The following CNGA1 variants were observed in gnomAD, a reference collection of about 807,000 sequenced individuals.
The protein encoded by CNGA1 is cyclic nucleotide gated channel subunit alpha 1, also known as cyclic nucleotide-gated channel alpha-1.
A neutral mutation model predicts 69.7 loss-of-function variants in CNGA1; 53 were observed. That is an observed-to-expected ratio of 0.76 (90% CI 0.61 to 0.96). CNGA1 has a LOEUF of 0.96. Among genes scored for constraint, CNGA1 ranks in the 40% least tolerant of loss-of-function variants. CNGA1 has a pLI of 0.00. For synonymous variants in CNGA1, 249 were observed against 283.5 expected (o/e 0.88, Z 1.22); for missense variants, 739 against 811.2 (o/e 0.91, Z 1.08).
intron 10 of CNGA1, among the ~76,000 whole-genome samples, chr4:47,939,873 T>C (rs1738963525): frequency 6.6e-6 from 1 of 152,212 alleles, no homozygotes; most frequent in Admixed American, 6.5e-5. Context: ...CGCCAGTGTC[T>C]TGTCAGAATC....
intron 3 of CNGA1, among the ~76,000 whole-genome samples, chr4:47,960,480 G>A (rs544766594): frequency 2.0e-5 from 3 of 152,208 alleles, no homozygotes; most frequent in Admixed American, 1.3e-4. Context: ...CTTGGGATAG[G>A]CAACACTTCT....
intron 2 of CNGA1, among the ~76,000 whole-genome samples, chr4:48,003,555 C>G (rs1431353150): frequency 6.6e-6 from 1 of 152,074 alleles, no homozygotes; most frequent in Non-Finnish European, 1.5e-5. Flanking sequence ...ATAGTTATAC[C>G]AGATATAGAT....
intron 6 of CNGA1, among the ~76,000 whole-genome samples, chr4:47,947,655 G>T (rs1223969227): frequency 6.6e-6 from 1 of 152,004 alleles, no homozygotes; most frequent in Non-Finnish European, 1.5e-5. Context: ...AGGCAACTGA[G>T]TGAGTACCTG....
chr4:47,980,366 A>T (rs1741632729), intron 3 of CNGA1, among the ~76,000 whole-genome samples: 1 of 152,188 alleles, frequency 6.6e-6, no homozygotes, highest in Non-Finnish European at 1.5e-5. Flanking sequence ...GAAATCACTG[A>T]TATTTTGAAA....
chr4:47,943,414 TA>T lies in CNGA1; in HGVS notation c.288-3del. ...TTTTTCTTTTTTTCTTCTGGTTCCC[TA>T]AAGAAAAAAATAATATATCTGTCAC... is the stretch of plus-strand genomic sequence containing the variant. On this transcript the variant is annotated splice_polypyrimidine_tract_variant and splice_region_variant and intron_variant, in intron 6 of 10. Transcript: ENST00000514170. 4 of 1,451,658 alleles carry T rather than the reference TA, an allele frequency of 2.8e-6. No homozygotes were observed. The South Asian group carries it at 4.0e-5, about 15-fold the overall frequency. 89.9% of individuals were successfully genotyped at this position (1,451,658 alleles called of 1,614,324 possible). A position where few individuals can be genotyped will look rare whatever the true frequency, so the allele number is the denominator to read the frequency against.
At chr4:48,005,228 C>G (rs191901185) in intron 2 of CNGA1, among the ~76,000 whole-genome samples, 17 of 152,136 alleles carry the variant, frequency 1.1e-4, no homozygotes, top group Admixed American at 1.1e-3. Context: ...AGCAATTATC[C>G]TGCCTCGGCC....
intron 3 of CNGA1, among the ~76,000 whole-genome samples, chr4:47,963,062 G>T (rs1240708077): frequency 6.6e-6 from 1 of 151,904 alleles, no homozygotes; most frequent in Non-Finnish European, 1.5e-5. Context: ...GGCTCAAGCA[G>T]TCCTCCCGCC....
Position 47,965,611 on chromosome 4 carries a change from G to C in CNGA1, c.-14-12908C>G, listed in dbSNP as rs376711585. ...CCGGCTAATTTTTGTATTTTTAGTAGAGATGAGGTTTCACCATGTTGGCCA... is the reference window on the plus strand; with the variant it reads ...CCGGCTAATTTTTGTATTTTTAGTACAGATGAGGTTTCACCATGTTGGCCA... On this transcript the variant is annotated intron_variant, in intron 3 of 10. Transcript: ENST00000514170. Among the ~76,000 whole-genome samples, 16 of 152,030 alleles carry C rather than the reference G, an allele frequency of 1.1e-4. No homozygotes were observed. In the East Asian group the frequency reaches 2.5e-3, roughly 24 times the overall value.
At chr4:48,015,899 C>T (rs1041817176) in intron 1 of CNGA1, among the ~76,000 whole-genome samples, 1 of 152,128 alleles carries the variant, frequency 6.6e-6, no homozygotes, top group Non-Finnish European at 1.5e-5. Flanking sequence ...GCCAGCCCTG[C>T]CCACTCCTTG....
chr4:47,937,945 A>G, intron 10 of CNGA1, 116 bp from the exon 11 acceptor site: 2 of 732,022 alleles, frequency 2.7e-6, no homozygotes, highest in South Asian at 1.6e-5. Context: ...TTTTCAATAA[A>G]TATGCCTTTA....
At chr4:47,979,489 C>G (rs1311255969) in intron 3 of CNGA1, among the ~76,000 whole-genome samples, 4 of 152,140 alleles carry the variant, frequency 2.6e-5, no homozygotes, top group Admixed American at 2.6e-4. Flanking sequence ...ATACTATCAC[C>G]TGAGGTAAAT....
rs370018275 is a variant in CNGA1 at position 47,937,390 on chromosome 4, A to T, written c.1092T>A (p.Pro364=). 18 of 1,614,034 alleles carry T rather than the reference A, an allele frequency of 1.1e-5. No homozygotes were observed. The highest frequency in any genetic ancestry group is 1.4e-5 in the Non-Finnish European group (16 of 1,180,034). ...AGACATACTCAGAATCCCTCACGGG[A>T]GGGGGTGTTTCACCAATGGTAGTCA... ...LTLTTIGETP[P]PVRDSEYVFV... Residue 364 remains proline, a synonymous_variant, in exon 11 of 11, where the codon CCT becomes CCA. Transcript: ENST00000514170.
Position 47,988,956 on chromosome 4 carries a change from A to G in CNGA1, c.-122-7456T>C, listed in dbSNP as rs562931016. On this transcript the variant is annotated intron_variant, in intron 2 of 10. Transcript: ENST00000514170. ...AACTTTAAATAGAATGTACAGGATTAAGAAAATGCTATTGTTCTTAGTTTT... is the reference window on the plus strand; with the variant it reads ...AACTTTAAATAGAATGTACAGGATTGAGAAAATGCTATTGTTCTTAGTTTT... 5.9e-5 allele frequency among the ~76,000 whole-genome samples: 9 copies of G among 151,442 alleles called. No homozygotes were observed. The East Asian group carries it at 1.8e-3, about 30-fold the overall frequency.
At position 47,983,640 on chromosome 4, in the gene CNGA1, G is replaced by T. The variant is rs1560305268; in HGVS notation, c.-122-2140C>A. On this transcript the variant is annotated intron_variant, in intron 2 of 10. Coordinates refer to ENST00000514170, the MANE Select transcript of CNGA1 (RefSeq NM_001379270.1). ...TAAAAGAAAAAGAAAAAGAAAAAGA[G>T]AATAAGCCCCTTGCCTTGAATACCA... Among the ~76,000 whole-genome samples the T allele has an allele frequency of 2.0e-5, 3 of 151,726 alleles. No homozygotes were observed. In the South Asian group the frequency reaches 6.2e-4, roughly 32 times the overall value.
At chr4:47,965,280 T>C (rs571687822) in intron 3 of CNGA1, among the ~76,000 whole-genome samples, 1 of 152,288 alleles carries the variant, frequency 6.6e-6, no homozygotes, top group South Asian at 2.1e-4. Context: ...TTTTAAAATA[T>C]TAGAAATGGG....
rs758429898 is a variant in CNGA1 at position 47,936,615 on chromosome 4, C to T, written c.1867G>A (p.Val623Ile). 5 of 1,614,028 alleles carry T rather than the reference C, an allele frequency of 3.1e-6. No homozygotes were observed. Among genetic ancestry groups the T allele is most frequent in the South Asian group, 1.1e-5 (1 of 91,082 alleles). Residue 623 changes from valine to isoleucine, a missense_variant, in exon 11 of 11, where the codon GTT (valine) becomes ATT (isoleucine). Physicochemically the swap from Val to Ile is conservative, Grantham distance 29. Coordinates refer to ENST00000514170, the MANE Select transcript of CNGA1 (RefSeq NM_001379270.1). Reference sequence around the variant, plus strand: ...TCTACTGACCCCTCCATTCGAGTAACCTTCTCTTCAAGATCTTTAGGATCA... The same window carrying T: ...TCTACTGACCCCTCCATTCGAGTAATCTTCTCTTCAAGATCTTTAGGATCA... ...GSDPKDLEEKVTRMEGSVDLL... is the reference protein window; with the variant it reads ...GSDPKDLEEKITRMEGSVDLL...
intron 2 of CNGA1, among the ~76,000 whole-genome samples, chr4:47,996,603 G>A (rs1742485787): frequency 6.6e-6 from 1 of 152,156 alleles, no homozygotes; most frequent in African/African-American, 2.4e-5. Context: ...TTATTTTCCT[G>A]TGAGATAGTT....
chr4:47,979,813 C>T (rs528795399), intron 3 of CNGA1, among the ~76,000 whole-genome samples: 2 of 152,200 alleles, frequency 1.3e-5, no homozygotes, highest in East Asian at 3.9e-4. Context: ...CATTAACTTT[C>T]TAACTTAAAA....
chr4:48,009,994 T>C (rs1487982646), intron 2 of CNGA1, among the ~76,000 whole-genome samples: 1 of 152,204 alleles, frequency 6.6e-6, no homozygotes, highest in Non-Finnish European at 1.5e-5. Context: ...GTACATCTTA[T>C]AGATTCATAA....
Sources: allele counts gnomAD v4.1 joint callset (sites outside exome capture counted in the v4.1 genomes callset), GRCh38; gene constraint gnomAD v4.1.1; transcripts MANE v1.5; gene names NCBI Gene and HGNC (gene_info 2026-07-23, HGNC 2026-07-21).